NCDN: variants seen among roughly 807,000 people sequenced by gnomAD.
NCDN encodes norbin.
A neutral mutation model predicts 60.7 loss-of-function variants in NCDN; 9 were observed. The ratio of observed to expected loss-of-function variants is 0.15; its 90% confidence interval spans 0.09 to 0.26. The LOEUF is 0.26. NCDN is among the 10% of genes least tolerant of loss of function. NCDN has a pLI of 1.00. For missense variants in NCDN, 578 were observed against 975.2 expected, an observed-to-expected ratio of 0.59 and a Z score of 5.42; for synonymous variants, 409 against 442.5, an observed-to-expected ratio of 0.92 and a Z score of 0.95.
chr1:35,560,203 G>T lies in NCDN; in HGVS notation c.175-123G>T, dbSNP rs974817868. 7.8e-7 allele frequency: 1 copy of T among 1,281,678 alleles called. No homozygotes were observed. The highest frequency in any genetic ancestry group is 1.1e-6 in the Non-Finnish European group (1 of 932,320). The allele number at this position is 1,281,678 out of a possible 1,614,324, so 79.4% of individuals were successfully genotyped here. A position where few individuals can be genotyped will look rare whatever the true frequency, so the allele number is the denominator to read the frequency against. On this transcript the variant is annotated intron_variant, in intron 2 of 6. Coordinates refer to ENST00000373243, the MANE Select transcript of NCDN (RefSeq NM_014284.3). This position sits in a 1 kb window ranked among gnomAD's most constrained non-coding sequence, Gnocchi z 7.6. ...GGAGAAAAAAGGAGCTGGATGAAAT[G>T]ACCTCAGATGAGTCCTGTTGCATAA...
At position 35,558,811 on chromosome 1, in the gene NCDN, C is replaced by G. The variant is rs1388844979; in HGVS notation, c.34-296C>G. 1.2e-6 allele frequency: 1 copy of G among 822,012 alleles called. No individual in the cohort carries two copies. The highest frequency in any genetic ancestry group is 1.7e-6 in the Non-Finnish European group (1 of 596,566). 50.9% of individuals were successfully genotyped at this position (822,012 alleles called of 1,614,324 possible). A position where few individuals can be genotyped will look rare whatever the true frequency, so the allele number is the denominator to read the frequency against. ...GCAGTGGGGCCAGCTCCCGCCCACC[C>G]CCAGGAGACTGGTGAGGAGAGCTGT... is the stretch of plus-strand genomic sequence containing the variant. On this transcript the variant is annotated intron_variant, in intron 1 of 6. Coordinates refer to ENST00000373243, the MANE Select transcript of NCDN (RefSeq NM_014284.3). This position sits in a 1 kb window ranked among gnomAD's most constrained non-coding sequence, Gnocchi z 6.3.
In NCDN at chr1:35,562,866, CCTA is replaced by C. The variant is rs1181844195; in HGVS notation, c.1385+238_1385+240del. Among the ~76,000 whole-genome samples, 1 of 152,196 alleles carries C rather than the reference CCTA, an allele frequency of 6.6e-6. No individual in the cohort carries two copies. Among genetic ancestry groups the C allele is most frequent in the Non-Finnish European group, 1.5e-5 (1 of 68,042 alleles). Reference sequence around the variant, plus strand: ...AAAGAGAACTTATACTTATTGAGCACCTACTACGAGCCAGGTATTTTGCTATAC... The same window carrying C: ...AAAGAGAACTTATACTTATTGAGCACCTACGAGCCAGGTATTTTGCTATAC... On this transcript the variant is annotated intron_variant, in intron 4 of 6. Coordinates refer to ENST00000373243, the MANE Select transcript of NCDN (RefSeq NM_014284.3). The surrounding 1 kb of genome is among the most constrained non-coding windows in gnomAD (Gnocchi z 6.8).
rs1194379579 is a variant in NCDN at position 35,563,148 on chromosome 1, ATG to A, written c.1386-51_1386-50del. 7 of 1,500,156 alleles carry A rather than the reference ATG, an allele frequency of 4.7e-6. No homozygotes were observed. The highest frequency in any genetic ancestry group is 6.3e-6 in the Non-Finnish European group (7 of 1,105,960). 92.9% of individuals were successfully genotyped at this position (1,500,156 alleles called of 1,614,324 possible). A position where few individuals can be genotyped will look rare whatever the true frequency, so the allele number is the denominator to read the frequency against. On this transcript the variant is annotated intron_variant, in intron 4 of 6. Coordinates refer to ENST00000373243, the MANE Select transcript of NCDN (RefSeq NM_014284.3). This position sits in a 1 kb window ranked among gnomAD's most constrained non-coding sequence, Gnocchi z 6.6. ...GCAAGGTGCCCTAAAAAGGGAATCTATGTGCCTTCATCTCTCCCAATCCCACA... is the reference window on the plus strand; with the variant it reads ...GCAAGGTGCCCTAAAAAGGGAATCTATGCCTTCATCTCTCCCAATCCCACA...
At position 35,565,489 on chromosome 1, in the gene NCDN, C is replaced by T. The variant is rs1360858561; in HGVS notation, c.2016C>T (p.Gly672=). ...RWPQELLQLL[G]SVSPNSVKPE... ...CGCAGGAGCTGCTCCAGCTGCTAGG[C>T]AGTGTCAGCCCCAACTCTGTCAAGC... Residue 672 remains glycine, a synonymous_variant, in exon 7 of 7, where the codon GGC becomes GGT. Transcript: ENST00000373243. This position sits in a 1 kb window ranked among gnomAD's most constrained non-coding sequence, Gnocchi z 8.9. The T allele has an allele frequency of 6.3e-7, 1 of 1,593,938 alleles. No homozygotes were observed. The highest frequency in any genetic ancestry group is 2.3e-5 in the East Asian group (1 of 43,810).
rs1369626837 is a variant in NCDN, at chr1:35,565,075, C to T, written c.1754-152C>T. 7 of 726,920 alleles carry T rather than the reference C, an allele frequency of 9.6e-6. No homozygotes were observed. Among genetic ancestry groups the T allele is most frequent in the Non-Finnish European group, 1.6e-5 (7 of 443,696 alleles). The allele number at this position is 726,920 out of a possible 1,614,324, so 45.0% of individuals were successfully genotyped here. ...GAAAAGTTAATTACCCAAGGTCACA[C>T]AGTGAGCATCTAAGGCAGGGTTTCA... On this transcript the variant is annotated intron_variant, in intron 6 of 6. Transcript: ENST00000373243. The surrounding 1 kb of genome is among the most constrained non-coding windows in gnomAD (Gnocchi z 8.9).
Position 35,560,414 on chromosome 1 carries a change from T to C in NCDN, c.263T>C (p.Leu88Pro). 6.2e-7 allele frequency: 1 copy of C among 1,613,974 alleles called. No homozygotes were observed. The highest frequency in any genetic ancestry group is 8.5e-7 in the Non-Finnish European group (1 of 1,180,020). ...DAVGFTFPNR[L>P]LTTKEAPDGC... Reference sequence around the variant, plus strand: ...GTCGGCTTCACCTTCCCCAATCGTCTCCTGACCACCAAGGAGGCGCCGGAT... The same window carrying C: ...GTCGGCTTCACCTTCCCCAATCGTCCCCTGACCACCAAGGAGGCGCCGGAT... The change falls in exon 3 of 7, where the codon CTC becomes CCC. Residue 88 changes from leucine (L) to proline (P), a missense_variant. Physicochemically the swap from Leu to Pro is moderately conservative, Grantham distance 98 (BLOSUM62 -3). Around this residue, in one of 3 missense-constraint regions of NCDN, gnomAD observed 363 missense variants for 583.6 expected, o/e 0.62. Transcript: ENST00000373243. The surrounding 1 kb of genome is among the most constrained non-coding windows in gnomAD (Gnocchi z 7.6).
In NCDN at chr1:35,561,406, C is replaced by T. The variant is rs976517081; in HGVS notation, c.1143+112C>T. ...GAGACAGCGAAGCTGCATGTCCACA[C>T]AAGCTGATACTGTAGCCAGCACTCC... is the stretch of plus-strand genomic sequence containing the variant. On this transcript the variant is annotated intron_variant, in intron 3 of 6. Coordinates refer to ENST00000373243, the MANE Select transcript of NCDN (RefSeq NM_014284.3). This position sits in a 1 kb window ranked among gnomAD's most constrained non-coding sequence, Gnocchi z 4.9. The T allele has an allele frequency of 7.1e-7, 1 of 1,402,038 alleles. No individual in the cohort carries two copies. Among genetic ancestry groups the T allele is most frequent in the Non-Finnish European group, 9.4e-7 (1 of 1,060,206 alleles). The allele number at this position is 1,402,038 out of a possible 1,614,324, so 86.8% of individuals were successfully genotyped here. A position where few individuals can be genotyped will look rare whatever the true frequency, so the allele number is the denominator to read the frequency against.
chr1:35,558,580 C>T lies in NCDN; in HGVS notation c.33+357C>T. ...TTCCCTGTTGAGCGTCTTGTATTCTCACTTCTGAAGCGTATCTCTGCCTCT... is the reference window on the plus strand; with the variant it reads ...TTCCCTGTTGAGCGTCTTGTATTCTTACTTCTGAAGCGTATCTCTGCCTCT... On this transcript the variant is annotated intron_variant, in intron 1 of 6. Transcript: ENST00000373243. The surrounding 1 kb of genome is among the most constrained non-coding windows in gnomAD (Gnocchi z 6.3). 2 of 1,257,152 alleles carry T rather than the reference C, an allele frequency of 1.6e-6. No individual in the cohort carries two copies. The highest frequency in any genetic ancestry group is 2.0e-6 in the Non-Finnish European group (2 of 994,172). 77.9% of individuals were successfully genotyped at this position (1,257,152 alleles called of 1,614,324 possible). A position where few individuals can be genotyped will look rare whatever the true frequency, so the allele number is the denominator to read the frequency against.
rs764196052 is a variant in NCDN at position 35,560,353 on chromosome 1, A to C, written c.202A>C (p.Ile68Leu). The part of the protein sequence containing the change: ...LVTKAVKAGD[I>L]DAKTRRRIFD... ...GACCAAGGCAGTCAAAGCAGGTGAC[A>C]TAGATGCCAAAACTCGGCGGCGGAT... Residue 68 changes from isoleucine (I) to leucine (L), a missense_variant, in exon 3 of 7, where the codon ATA becomes CTA. Physicochemically the swap from Ile to Leu is conservative, Grantham distance 5. Transcript: ENST00000373243. The surrounding 1 kb of genome is among the most constrained non-coding windows in gnomAD (Gnocchi z 7.6). 6.2e-7 allele frequency: 1 copy of C among 1,613,758 alleles called. No individual in the cohort carries two copies. The highest frequency in any genetic ancestry group is 1.3e-5 in the African/African-American group (1 of 74,930).
rs1648518773 is a variant in NCDN, at chr1:35,558,614, G to A, written c.33+391G>A. 8.5e-7 allele frequency: 1 copy of A among 1,176,980 alleles called. No individual in the cohort carries two copies. Among genetic ancestry groups the A allele is most frequent in the Non-Finnish European group, 1.1e-6 (1 of 946,774 alleles). 72.9% of individuals were successfully genotyped at this position (1,176,980 alleles called of 1,614,324 possible). Reference sequence around the variant, plus strand: ...AGCGTATCTCTGCCTCTGAAGAAGGGAGGGGAAAGGAAGCCTGGGGTGTCC... The same window carrying A: ...AGCGTATCTCTGCCTCTGAAGAAGGAAGGGGAAAGGAAGCCTGGGGTGTCC... On this transcript the variant is annotated intron_variant, in intron 1 of 6. Coordinates refer to ENST00000373243, the MANE Select transcript of NCDN (RefSeq NM_014284.3). The surrounding 1 kb of genome is among the most constrained non-coding windows in gnomAD (Gnocchi z 6.3).
Position 35,561,404 on chromosome 1 carries a change from C to A in NCDN, c.1143+110C>A. The A allele has an allele frequency of 7.0e-7, 1 of 1,420,132 alleles. No homozygotes were observed. Among genetic ancestry groups the A allele is most frequent in the Non-Finnish European group, 9.3e-7 (1 of 1,075,058 alleles). The allele number at this position is 1,420,132 out of a possible 1,614,324, so 88.0% of individuals were successfully genotyped here. A position where few individuals can be genotyped will look rare whatever the true frequency, so the allele number is the denominator to read the frequency against. On this transcript the variant is annotated intron_variant, in intron 3 of 6. Coordinates refer to ENST00000373243, the MANE Select transcript of NCDN (RefSeq NM_014284.3). The surrounding 1 kb of genome is among the most constrained non-coding windows in gnomAD (Gnocchi z 4.9). ...GGGAGACAGCGAAGCTGCATGTCCA[C>A]ACAAGCTGATACTGTAGCCAGCACT... is the stretch of plus-strand genomic sequence containing the variant.
At position 35,559,579 on chromosome 1, in the gene NCDN, G is replaced by T. The variant is rs553686939; in HGVS notation, c.174+332G>T. On this transcript the variant is annotated intron_variant, in intron 2 of 6. Coordinates refer to ENST00000373243, the MANE Select transcript of NCDN (RefSeq NM_014284.3). ...TGAGGGCTGGGGATGGTTGTTCTGGGCCTGGAGAGAGTAGCAGGGCTGGAA... is the reference window on the plus strand; with the variant it reads ...TGAGGGCTGGGGATGGTTGTTCTGGTCCTGGAGAGAGTAGCAGGGCTGGAA... Among the ~76,000 whole-genome samples, 286 of 152,266 alleles carry T rather than the reference G, an allele frequency of 1.9e-3. 2 individuals carry two copies. The highest frequency in any genetic ancestry group is 6.7e-3 in the African/African-American group (278 of 41,546).
Position 35,565,106 on chromosome 1 carries a change from G to A in NCDN, c.1754-121G>A, listed in dbSNP as rs1224765191. 21 of 988,508 alleles carry A rather than the reference G, an allele frequency of 2.1e-5. No homozygotes were observed. Among genetic ancestry groups the A allele is most frequent in the Non-Finnish European group, 2.7e-5 (18 of 668,408 alleles). The allele number at this position is 988,508 out of a possible 1,614,324, so 61.2% of individuals were successfully genotyped here. A position where few individuals can be genotyped will look rare whatever the true frequency, so the allele number is the denominator to read the frequency against. ...GCATCTAAGGCAGGGTTTCAACGCA[G>A]GCAGTCTGATTCCAGGCTGTGCCCT... On this transcript the variant is annotated intron_variant, in intron 6 of 6. Transcript: ENST00000373243. This position sits in a 1 kb window ranked among gnomAD's most constrained non-coding sequence, Gnocchi z 8.9.
chr1:35,559,019 C>A, intron 1 of NCDN, 88 bp from the exon 2 acceptor site: 3 of 1,136,410 alleles, frequency 2.6e-6, no homozygotes, highest in Admixed American at 2.1e-5. Context: ...TGTGCTAATC[C>A]CTCCCTCCCT....
At position 35,563,603 on chromosome 1, in the gene NCDN, C is replaced by G. The variant is rs1280053615; in HGVS notation, c.1611-164C>G. On this transcript the variant is annotated intron_variant, in intron 5 of 6. Transcript: ENST00000373243. The surrounding 1 kb of genome is among the most constrained non-coding windows in gnomAD (Gnocchi z 6.6). Reference sequence around the variant, plus strand: ...CACAAGGATTCGGCATGCTGGAACCCCCAGGTACTGTCTCAGCATGTCTGC... The same window carrying G: ...CACAAGGATTCGGCATGCTGGAACCGCCAGGTACTGTCTCAGCATGTCTGC... 6.6e-6 allele frequency among the ~76,000 whole-genome samples: 1 copy of G among 152,074 alleles called. No homozygotes were observed. The highest frequency in any genetic ancestry group is 2.4e-5 in the African/African-American group (1 of 41,370).
rs1571088319 is a variant in NCDN at position 35,565,573 on chromosome 1, G to A, written c.2100G>A (p.Leu700=). 5.1e-6 allele frequency: 8 copies of A among 1,563,904 alleles called. No homozygotes were observed. The highest frequency in any genetic ancestry group is 1.4e-5 in the African/African-American group (1 of 73,940). Residue 700 remains leucine (L), a synonymous_variant, in exon 7 of 7, where the codon CTG becomes CTA. Coordinates refer to ENST00000373243, the MANE Select transcript of NCDN (RefSeq NM_014284.3). The surrounding 1 kb of genome is among the most constrained non-coding windows in gnomAD (Gnocchi z 8.9). Reference sequence around the variant, plus strand: ...TGGAGCTGGCGCGGGCCAACCGGCTGTGCCGGGAGGCCATGAGGCTGCAGG... The same window carrying A: ...TGGAGCTGGCGCGGGCCAACCGGCTATGCCGGGAGGCCATGAGGCTGCAGG... ...VLVELARANR[L]CREAMRLQAG...
At position 35,565,676 on chromosome 1, in the gene NCDN, G is replaced by A. The variant is rs75817414; in HGVS notation, c.*13G>A. Reference sequence around the variant, plus strand: ...GTCAGAGCCCTGAGGGGTGTCCACCGGGGACAGACCCAGGGGCGGGCAGAG... The same window carrying A: ...GTCAGAGCCCTGAGGGGTGTCCACCAGGGACAGACCCAGGGGCGGGCAGAG... On this transcript the variant is annotated 3_prime_UTR_variant, in exon 7 of 7. Coordinates refer to ENST00000373243, the MANE Select transcript of NCDN (RefSeq NM_014284.3). The surrounding 1 kb of genome is among the most constrained non-coding windows in gnomAD (Gnocchi z 8.9). The A allele has an allele frequency of 6.6e-3, 10,174 of 1,538,532 alleles. 48 individuals carry two copies. The highest frequency in any genetic ancestry group is 7.9e-3 in the Non-Finnish European group (9,082 of 1,148,108).
At position 35,566,317 on chromosome 1, in the gene NCDN, G is replaced by A. The variant is rs750495760; in HGVS notation, c.*654G>A. The A allele has an allele frequency of 1.8e-5, 3 of 171,242 alleles. No individual in the cohort carries two copies. The highest frequency in any genetic ancestry group is 3.8e-5 in the Non-Finnish European group (3 of 79,880). 10.6% of individuals were successfully genotyped at this position (171,242 alleles called of 1,614,324 possible). A position where few individuals can be genotyped will look rare whatever the true frequency, so the allele number is the denominator to read the frequency against. On this transcript the variant is annotated 3_prime_UTR_variant, in exon 7 of 7. Transcript: ENST00000373243. This position sits in a 1 kb window ranked among gnomAD's most constrained non-coding sequence, Gnocchi z 5.3. ...GCTTGAAGGGACCCAGAGTCTTTGG[G>A]CCCAGATCTTTAAACCTTTGTGTCG...
rs1333317577 is a variant in NCDN at position 35,565,517 on chromosome 1, G to A, written c.2044G>A (p.Glu682Lys). The change falls in exon 7 of 7, where the codon GAG (glutamate) becomes AAG (lysine). Residue 682 changes from glutamate (E) to lysine (K), a missense_variant. Transcript: ENST00000373243. The surrounding 1 kb of genome is among the most constrained non-coding windows in gnomAD (Gnocchi z 8.9). ...TGTCAGCCCCAACTCTGTCAAGCCC[G>A]AGATGGTGGCCGCCTATCAGGGTGT... ...GSVSPNSVKP[E>K]MVAAYQGVLV... The A allele has an allele frequency of 4.4e-6, 7 of 1,577,454 alleles. No homozygotes were observed. Among genetic ancestry groups the A allele is most frequent in the Non-Finnish European group, 6.0e-6 (7 of 1,161,970 alleles).
Sources: allele counts gnomAD v4.1 joint callset (sites outside exome capture counted in the v4.1 genomes callset), GRCh38; gene constraint gnomAD v4.1.1; regional missense constraint gnomAD v4.1.1; non-coding constraint Gnocchi (gnomAD v3.1); transcripts MANE v1.5; gene names NCBI Gene and HGNC (gene_info 2026-07-23, HGNC 2026-07-21).